FAM120B: variants seen among roughly 807,000 people sequenced by gnomAD.
The protein encoded by FAM120B is constitutive coactivator of peroxisome proliferator-activated receptor gamma.
A neutral mutation model predicts 96.3 loss-of-function variants in FAM120B; 83 were observed. The observed-to-expected ratio is 0.86, with a 90% CI of 0.72 to 1.03. The LOEUF is 1.03. FAM120B is among the 50% of genes least tolerant of loss of function. The probability of loss-of-function intolerance (pLI) is 0.00; values close to 1 mark genes in which losing one functional copy is unlikely to be tolerated. For missense variants in FAM120B, 1,027 were observed against 1,121.2 expected (o/e 0.92, Z 1.20); for synonymous variants, 407 against 402.7 (o/e 1.01, Z -0.13).
intron 2 of FAM120B, 146 bp downstream of exon 2, chr6:170,319,270 TTA>T (rs1423425019): frequency 9.5e-5 from 70 of 733,202 alleles, no homozygotes; most frequent in Non-Finnish European, 1.4e-4. Context: ...AAGTGTGACG[TTA>T]TATGTGTGGA....
intron 9 of FAM120B, among the ~76,000 whole-genome samples, chr6:170,398,311 T>C (rs1167555364): frequency 6.6e-6 from 1 of 152,216 alleles, no homozygotes; most frequent in South Asian, 2.1e-4. Context: ...CTCTTAGGAG[T>C]CAATAAGGAA....
chr6:170,337,031 T>G (rs1300302874), intron 4 of FAM120B, among the ~76,000 whole-genome samples: 1 of 152,154 alleles, frequency 6.6e-6, no homozygotes, highest in Non-Finnish European at 1.5e-5. Context: ...TTATTTCTTT[T>G]TCTTGCCTGA....
intron 6 of FAM120B, among the ~76,000 whole-genome samples, 169 bp downstream of exon 6, chr6:170,358,487 A>C (rs1412014435): frequency 6.6e-6 from 1 of 152,240 alleles, no homozygotes; most frequent in Non-Finnish European, 1.5e-5. Context: ...CTCTGGGATG[A>C]GCAGCCAGAT....
intron 1 of FAM120B, 137 bp downstream of exon 1, chr6:170,306,979 C>T (rs1032351039): frequency 1.3e-5 from 2 of 152,512 alleles, no homozygotes; most frequent in East Asian, 1.9e-4. Context: ...CTGGCCGTGC[C>T]TCTGTCCTTG....
chr6:170,290,829 G>C, upstream of FAM120B: 1 of 625,254 alleles, frequency 1.6e-6, no homozygotes, highest in Non-Finnish European at 2.9e-6. The surrounding 1 kb of genome is among the most constrained non-coding windows in gnomAD (Gnocchi z 4.7). Flanking sequence ...GGACCGGAGG[G>C]GCCGGGCCGT....
intron 4 of FAM120B, among the ~76,000 whole-genome samples, chr6:170,346,273 G>A (rs946489883): frequency 6.6e-6 from 1 of 151,892 alleles, no homozygotes; most frequent in African/African-American, 2.4e-5. Context: ...CACGCTGATG[G>A]GGACATGACC....
chr6:170,378,319 A>G (rs974383285), intron 6 of FAM120B, among the ~76,000 whole-genome samples: 1 of 152,124 alleles, frequency 6.6e-6, no homozygotes, highest in Admixed American at 6.5e-5. Flanking sequence ...GAGGAGCTTG[A>G]GACTTGAGAG....
chr6:170,299,489 T>C (rs549868162), intron 1 of FAM120B, among the ~76,000 whole-genome samples: 11 of 152,370 alleles, frequency 7.2e-5, no homozygotes, highest in Middle Eastern at 3.4e-3. Flanking sequence ...TTTTGTGTCA[T>C]TGATTTTTCC....
chr6:170,322,607 T>G (rs1190996738), intron 2 of FAM120B, among the ~76,000 whole-genome samples: 2 of 151,992 alleles, frequency 1.3e-5, no homozygotes, highest in Non-Finnish European at 2.9e-5. Flanking sequence ...AAAAAGGAGA[T>G]TGAGGCTTTA....
At chr6:170,376,650 TGGAGGAGC>T (rs1245108759) in intron 6 of FAM120B, among the ~76,000 whole-genome samples, 2 of 152,028 alleles carry the variant, frequency 1.3e-5, no homozygotes, top group East Asian at 3.9e-4. Flanking sequence ...TCCAGGAGAT[TGGAGGAGC>T]GGAGGCTGAT....
At chr6:170,327,382 CAA>C (rs1182470290) in intron 3 of FAM120B, among the ~76,000 whole-genome samples, 3 of 152,128 alleles carry the variant, frequency 2.0e-5, no homozygotes, top group Non-Finnish European at 4.4e-5. Context: ...TCAGGAGTCA[CAA>C]AATATTCTTA....
chr6:170,341,859 T>TG (rs543027286), intron 4 of FAM120B, among the ~76,000 whole-genome samples: 212 of 152,314 alleles, frequency 1.4e-3, no homozygotes, highest in African/African-American at 4.9e-3. Context: ...CAGTTGGAAA[T>TG]GCAGAAATCA....
chr6:170,382,284 T>C (rs1396166836), intron 6 of FAM120B, among the ~76,000 whole-genome samples: 1 of 152,108 alleles, frequency 6.6e-6, no homozygotes, highest in Non-Finnish European at 1.5e-5. Context: ...TAGCTGGATG[T>C]ATTAGCTACT....
chr6:170,322,668 GT>G (rs768925463), intron 2 of FAM120B, among the ~76,000 whole-genome samples: 7 of 152,162 alleles, frequency 4.6e-5, no homozygotes. Context: ...CCATTCAAAT[GT>G]TTTGAATAGG....
chr6:170,345,136 G>A (rs964349917), intron 4 of FAM120B, among the ~76,000 whole-genome samples: 5 of 152,196 alleles, frequency 3.3e-5, no homozygotes, highest in African/African-American at 1.2e-4. Flanking sequence ...TAGAGGTCAG[G>A]AAGGCTGGAA....
chr6:170,380,631 C>A (rs1179429302), intron 6 of FAM120B, among the ~76,000 whole-genome samples: 2 of 152,174 alleles, frequency 1.3e-5, no homozygotes, highest in Non-Finnish European at 2.9e-5. Flanking sequence ...TGCCTGCTGA[C>A]CATTTGTGTA....
chr6:170,332,278 G>A (rs549036726), intron 4 of FAM120B, among the ~76,000 whole-genome samples: 1 of 152,310 alleles, frequency 6.6e-6, no homozygotes, highest in South Asian at 2.1e-4. Context: ...CAAAAGACAA[G>A]ATTTTAAATT....
At chr6:170,290,909 C>A (rs1236593996), upstream of FAM120B, 4 of 694,638 alleles carry the variant, frequency 5.8e-6, no homozygotes, top group Non-Finnish European at 1.0e-5. This position sits in a 1 kb window ranked among gnomAD's most constrained non-coding sequence, Gnocchi z 4.7. Flanking sequence ...CGGGTCTCCG[C>A]GGGTGCGCGC....
chr6:170,395,959 T>C (rs1418117177), intron 9 of FAM120B, among the ~76,000 whole-genome samples: 1 of 152,234 alleles, frequency 6.6e-6, no homozygotes, highest in African/African-American at 2.4e-5. Flanking sequence ...AGGATTCTGA[T>C]ATTTTCCGTG....
Sources: gnomAD v4.1 joint callset for allele counts (sites outside exome capture counted in the v4.1 genomes callset) on GRCh38, gnomAD v4.1.1 for gene constraint, Gnocchi (gnomAD v3.1) non-coding constraint, MANE v1.5 for transcripts, NCBI Gene and HGNC (gene_info 2026-07-23, HGNC 2026-07-21) for gene names.